The following UBASH3A variants were observed in gnomAD, a reference collection of about 807,000 sequenced individuals.
The protein encoded by UBASH3A is ubiquitin associated and SH3 domain containing A, also known as ubiquitin-associated and SH3 domain-containing protein A.
In UBASH3A, 63 loss-of-function variants were observed where a neutral mutation model predicts 73.5. The observed-to-expected ratio is 0.86, with a 90% CI of 0.70 to 1.06. The LOEUF (loss-of-function observed/expected upper bound fraction) is 1.06. UBASH3A is among the 50% of genes least tolerant of loss of function. The probability of loss-of-function intolerance (pLI) is 0.00; values close to 1 mark genes in which losing one functional copy is unlikely to be tolerated. For missense variants in UBASH3A, 860 were observed against 859.0 expected (o/e 1.00, Z -0.02); for synonymous variants, 363 against 351.1 (o/e 1.03, Z -0.38).
At chr21:42,437,410 C>A in intron 10 of UBASH3A, 78 bp from the exon 11 acceptor site, 1 of 1,367,214 alleles carries the variant, frequency 7.3e-7, no homozygotes, top group African/African-American at 1.4e-5. Context: ...CTGCCTACCA[C>A]AGGGAGCACA....
At chr21:42,424,770 C>G (rs1269260122) in intron 7 of UBASH3A, among the ~76,000 whole-genome samples, 6 of 152,222 alleles carry the variant, frequency 3.9e-5, no homozygotes, top group Non-Finnish European at 8.8e-5. Context: ...ACCCCTAACA[C>G]CTCAGAATGT....
chr21:42,406,351 G>T lies in UBASH3A; in HGVS notation c.157G>T (p.Ala53Ser). The change falls in exon 2 of 15, where the codon GCC becomes TCC. Residue 53 changes from alanine (A) to serine (S), a missense_variant. Coordinates refer to ENST00000319294, the MANE Select transcript of UBASH3A (RefSeq NM_018961.4). ...CACGGGGAGGAAGACGGCGGAGGAG[G>T]CCTTGGCCTGGTGAGTGCAGCTGCT... ...AATGRKTAEE[A>S]LAWLHDHCND... 6.2e-7 allele frequency: 1 copy of T among 1,613,962 alleles called. No individual in the cohort carries two copies. Among genetic ancestry groups the T allele is most frequent in the Non-Finnish European group, 8.5e-7 (1 of 1,179,806 alleles).
intron 1 of UBASH3A, among the ~76,000 whole-genome samples, chr21:42,406,074 C>T (rs905449867): frequency 2.7e-5 from 4 of 149,182 alleles, no homozygotes; most frequent in African/African-American, 5.0e-5. Context: ...AGGGCTGAAG[C>T]GGGTAGCCAG....
intron 14 of UBASH3A, among the ~76,000 whole-genome samples, 200 bp from the exon 15 acceptor site, chr21:42,446,857 C>T (rs889570926): frequency 1.3e-5 from 2 of 152,158 alleles, no homozygotes; most frequent in African/African-American, 4.8e-5. Flanking sequence ...CCGGAATTAC[C>T]CAGTGTCCCC....
At chr21:42,442,086 T>G (rs1243046874) in intron 11 of UBASH3A, among the ~76,000 whole-genome samples, 1 of 152,116 alleles carries the variant, frequency 6.6e-6, no homozygotes, top group Non-Finnish European at 1.5e-5. Context: ...GATCATTGGA[T>G]CTGCCATGTT....
chr21:42,426,962 G>A (rs1379512941), intron 8 of UBASH3A, 142 bp downstream of exon 8: 79 of 1,053,884 alleles, frequency 7.5e-5, no homozygotes, highest in Non-Finnish European at 9.6e-5. Context: ...GTCAGCAAGG[G>A]GGCCTCCCAG....
intron 8 of UBASH3A, among the ~76,000 whole-genome samples, chr21:42,427,585 G>T (rs182689312): frequency 6.6e-6 from 1 of 152,308 alleles, no homozygotes; most frequent in East Asian, 1.9e-4. Flanking sequence ...CCATTTTACA[G>T]ATCTGAAAAC....
At chr21:42,412,248 C>T (rs900815479) in intron 3 of UBASH3A, among the ~76,000 whole-genome samples, 13 of 152,116 alleles carry the variant, frequency 8.5e-5, no homozygotes, top group African/African-American at 3.1e-4. Flanking sequence ...GCAAGGCTGT[C>T]GGGCCAGCAC....
intron 8 of UBASH3A, among the ~76,000 whole-genome samples, chr21:42,430,658 G>C (rs113294602): frequency 0.038 from 5,817 of 152,250 alleles, 118 homozygotes; most frequent in African/African-American, 0.051. Flanking sequence ...GTGGCAGGCC[G>C]TGTTCGCTCT....
chr21:42,432,874 C>T (rs954194868), intron 9 of UBASH3A, among the ~76,000 whole-genome samples: 2 of 152,164 alleles, frequency 1.3e-5, no homozygotes, highest in African/African-American at 4.8e-5. Flanking sequence ...AATATGGTCA[C>T]CTCTATAAAA....
At chr21:42,434,299 G>A (rs942619202) in intron 9 of UBASH3A, among the ~76,000 whole-genome samples, 36 of 152,170 alleles carry the variant, frequency 2.4e-4, no homozygotes, top group Non-Finnish European at 2.5e-4. Flanking sequence ...CAAACTCCAC[G>A]TGAACCCTGG....
rs754490856 is a variant in UBASH3A at position 42,413,503 on chromosome 21, G to A, written c.647G>A (p.Ser216Asn). 1 of 1,613,852 alleles carries A rather than the reference G, an allele frequency of 6.2e-7. No individual in the cohort carries two copies. Among genetic ancestry groups the A allele is most frequent in the East Asian group, 2.2e-5 (1 of 44,890 alleles). ...LSNLTRASFV[S>N]HYILQKYCSV... Reference sequence around the variant, plus strand: ...AATTTAACTAGAGCCTCCTTCGTGAGCCACTACATCCTTCAAAAATGTAAG... The same window carrying A: ...AATTTAACTAGAGCCTCCTTCGTGAACCACTACATCCTTCAAAAATGTAAG... The change falls in exon 5 of 15, where the codon AGC becomes AAC. Residue 216 changes from serine to asparagine, a missense_variant. Ser to Asn is a conservative substitution (Grantham distance 46). Coordinates refer to ENST00000319294, the MANE Select transcript of UBASH3A (RefSeq NM_018961.4). The surrounding 1 kb of genome is among the most constrained non-coding windows in gnomAD (Gnocchi z 4.5).
At chr21:42,443,032 T>C in intron 12 of UBASH3A, 1 of 956,684 alleles carries the variant, frequency 1.0e-6, no homozygotes, top group Non-Finnish European at 1.4e-6. Flanking sequence ...GGAGCTGGAC[T>C]GGAGTTTAGT....
chr21:42,423,545 G>GC (rs1468338021), intron 7 of UBASH3A, among the ~76,000 whole-genome samples: 2 of 152,190 alleles, frequency 1.3e-5, no homozygotes, highest in African/African-American at 4.8e-5. Context: ...CTCCCCTGTG[G>GC]CCCCGCATCA....
intron 14 of UBASH3A, among the ~76,000 whole-genome samples, chr21:42,445,912 C>T (rs181050650): frequency 1.2e-3 from 189 of 152,232 alleles, no homozygotes; most frequent in African/African-American, 4.3e-3. Flanking sequence ...GGGGCAGCCC[C>T]GGCACCACCT....
intron 2 of UBASH3A, among the ~76,000 whole-genome samples, chr21:42,406,966 C>G (rs2052989999): frequency 6.6e-6 from 1 of 152,130 alleles, no homozygotes; most frequent in Admixed American, 6.5e-5. Flanking sequence ...CCACCATGCT[C>G]TCGGGCTGCC....
At chr21:42,436,901 C>T (rs1241813634) in intron 10 of UBASH3A, among the ~76,000 whole-genome samples, 1 of 152,220 alleles carries the variant, frequency 6.6e-6, no homozygotes. Flanking sequence ...ATCCAAAGCC[C>T]AGGCCCACGA....
chr21:42,423,915 A>T (rs2053388774), intron 7 of UBASH3A, among the ~76,000 whole-genome samples: 1 of 152,088 alleles, frequency 6.6e-6, no homozygotes, highest in Admixed American at 6.5e-5. Context: ...ATCTGTGCTT[A>T]TGGGCCAGTG....
chr21:42,416,186 G>A (rs2053202308), intron 5 of UBASH3A, among the ~76,000 whole-genome samples: 1 of 152,038 alleles, frequency 6.6e-6, no homozygotes, highest in South Asian at 2.1e-4. Context: ...CATCTGAATC[G>A]TGCATTCGGG....
Sources: gnomAD v4.1 joint callset for allele counts (sites outside exome capture counted in the v4.1 genomes callset) on GRCh38, gnomAD v4.1.1 for gene constraint, Gnocchi (gnomAD v3.1) non-coding constraint, MANE v1.5 for transcripts, NCBI Gene and HGNC (gene_info 2026-07-23, HGNC 2026-07-21) for gene names.